Variants in DOCK3 observed in about 807,000 individuals in gnomAD.
DOCK3 encodes the protein dedicator of cytokinesis 3.
DOCK3 carries 60 observed loss-of-function variants against 265.6 expected under a neutral mutation model. That is an observed-to-expected ratio of 0.23 (90% CI 0.18 to 0.28). DOCK3 has a LOEUF of 0.28. Among genes scored for constraint, DOCK3 ranks in the 10% least tolerant of loss-of-function variants. DOCK3 has a pLI of 1.00. For synonymous variants in DOCK3, 881 were observed against 938.0 expected, an observed-to-expected ratio of 0.94 and a Z score of 1.11; for missense variants, 1,981 against 2,594.3, an observed-to-expected ratio of 0.76 and a Z score of 5.14.
intron 12 of DOCK3, among the ~76,000 whole-genome samples, chr3:51,196,065 T>C (rs1413677159): frequency 6.6e-6 from 1 of 151,636 alleles, no homozygotes; most frequent in Non-Finnish European, 1.5e-5. Context: ...CCTCCCATGT[T>C]GCTAAGACTT....
At chr3:51,242,841 C>T (rs1332254678) in intron 21 of DOCK3, among the ~76,000 whole-genome samples, 1 of 152,124 alleles carries the variant, frequency 6.6e-6, no homozygotes, top group Admixed American at 6.5e-5. Context: ...CCTGCCAGTA[C>T]AGACACAAGC....
intron 4 of DOCK3, among the ~76,000 whole-genome samples, chr3:50,900,505 AG>A (rs947707663): frequency 2.0e-5 from 3 of 152,034 alleles, no homozygotes; most frequent in Non-Finnish European, 4.4e-5. Flanking sequence ...TTCTCCATCC[AG>A]TTTTGTTCCC....
intron 3 of DOCK3, among the ~76,000 whole-genome samples, chr3:50,859,464 C>T (rs1169588302): frequency 6.6e-6 from 1 of 152,014 alleles, no homozygotes; most frequent in East Asian, 1.9e-4. Flanking sequence ...GATCCACCCC[C>T]CTCGGCCTCC....
intron 5 of DOCK3, among the ~76,000 whole-genome samples, chr3:50,995,346 A>G (rs1398762956): frequency 2.0e-5 from 3 of 152,220 alleles, no homozygotes; most frequent in African/African-American, 7.2e-5. Context: ...CCACTTACAA[A>G]GTCTATTTAA....
intron 12 of DOCK3, among the ~76,000 whole-genome samples, chr3:51,168,665 T>C (rs2086524088): frequency 6.6e-6 from 1 of 152,184 alleles, no homozygotes; most frequent in Non-Finnish European, 1.5e-5. Flanking sequence ...GCAATACCAT[T>C]CTAGACATAG....
intron 12 of DOCK3, among the ~76,000 whole-genome samples, chr3:51,197,440 G>A (rs922695110): frequency 6.6e-6 from 1 of 152,204 alleles, no homozygotes; most frequent in African/African-American, 2.4e-5. Flanking sequence ...AGTGATGTGC[G>A]TTGATGTTGG....
chr3:50,885,838 A>C (rs2048300722), intron 3 of DOCK3, among the ~76,000 whole-genome samples: 1 of 151,920 alleles, frequency 6.6e-6, no homozygotes, highest in Non-Finnish European at 1.5e-5. Context: ...AGTATCTCCA[A>C]TTGACCTTAC....
intron 30 of DOCK3, 102 bp from the exon 31 acceptor site, chr3:51,312,742 A>G (rs1038738408): frequency 2.2e-6 from 3 of 1,350,062 alleles, no homozygotes; most frequent in Admixed American, 4.3e-5. Context: ...ATTGGGAAGC[A>G]TTAGAAACAA....
At chr3:50,883,264 TA>T (rs113221264) in intron 3 of DOCK3, among the ~76,000 whole-genome samples, 41 of 146,158 alleles carry the variant, frequency 2.8e-4, no homozygotes, top group Admixed American at 3.4e-4. Context: ...CTTGAAGTAT[TA>T]AAAAAAAAAG....
At chr3:50,967,116 A>G (rs1052431927) in intron 5 of DOCK3, among the ~76,000 whole-genome samples, 1 of 152,124 alleles carries the variant, frequency 6.6e-6, no homozygotes, top group African/African-American at 2.4e-5. Flanking sequence ...TGGGCTGTTG[A>G]ACACTAGAAC....
intron 1 of DOCK3, among the ~76,000 whole-genome samples, chr3:50,727,694 CAAACA>C (rs1180088373): frequency 1.3e-5 from 2 of 151,656 alleles, no homozygotes; most frequent in South Asian, 2.1e-4. Context: ...TGAGGCTCCT[CAAACA>C]AAACAAAACA....
At chr3:51,200,878 T>C (rs1351701713) in intron 12 of DOCK3, among the ~76,000 whole-genome samples, 2 of 152,102 alleles carry the variant, frequency 1.3e-5, no homozygotes, top group African/African-American at 4.8e-5. Flanking sequence ...TTCAACATTC[T>C]TACCGAAAAG....
In DOCK3 at chr3:51,374,691, C is replaced by A; in HGVS notation, c.5412+104C>A. On this transcript the variant is annotated intron_variant, in intron 50 of 52. Coordinates refer to ENST00000266037, the MANE Select transcript of DOCK3 (RefSeq NM_004947.5). The surrounding 1 kb of genome is among the most constrained non-coding windows in gnomAD (Gnocchi z 4.8). ...TCTGCATTGTCCTACATGGCTCTCT[C>A]ATTCCGCTGTAAGATCCCGCAAAAG... 1 of 1,143,802 alleles carries A rather than the reference C, an allele frequency of 8.7e-7. No individual in the cohort carries two copies. Among genetic ancestry groups the A allele is most frequent in the Non-Finnish European group, 1.3e-6 (1 of 790,470 alleles). 70.9% of individuals were successfully genotyped at this position (1,143,802 alleles called of 1,614,324 possible).
At chr3:51,133,783 G>A (rs556483166) in intron 9 of DOCK3, among the ~76,000 whole-genome samples, 1 of 142,022 alleles carries the variant, frequency 7.0e-6, no homozygotes, top group African/African-American at 2.5e-5. Context: ...ACATAGAGTT[G>A]GGTCAGGCTG....
chr3:50,696,088 G>A (rs2035599151), intron 1 of DOCK3, among the ~76,000 whole-genome samples: 2 of 152,148 alleles, frequency 1.3e-5, no homozygotes, highest in South Asian at 4.1e-4. Flanking sequence ...ATATCTCTGT[G>A]TCTATGTGTT....
intron 2 of DOCK3, among the ~76,000 whole-genome samples, chr3:50,780,386 C>T (rs2041850555): frequency 6.6e-6 from 1 of 152,054 alleles, no homozygotes; most frequent in Non-Finnish European, 1.5e-5. Flanking sequence ...ATTTATTTGC[C>T]TCATGGTTCT....
At chr3:51,029,198 A>G (rs1307470640) in intron 5 of DOCK3, among the ~76,000 whole-genome samples, 1 of 152,074 alleles carries the variant, frequency 6.6e-6, no homozygotes, top group Non-Finnish European at 1.5e-5. Flanking sequence ...CCTTGGTTAC[A>G]GATAGGTTCA....
chr3:51,017,323 T>C (rs1251557051), intron 5 of DOCK3, among the ~76,000 whole-genome samples: 4 of 151,568 alleles, frequency 2.6e-5, no homozygotes, highest in Non-Finnish European at 5.9e-5. Context: ...AAAGTCAGCT[T>C]TTTGTTTCAT....
chr3:50,777,574 A>G (rs939822759), intron 1 of DOCK3, among the ~76,000 whole-genome samples: 5 of 152,038 alleles, frequency 3.3e-5, no homozygotes, highest in African/African-American at 9.7e-5. Flanking sequence ...TGTTTGTGTC[A>G]TCTGTGACTT....
Sources: allele counts gnomAD v4.1 joint callset (sites outside exome capture counted in the v4.1 genomes callset), GRCh38; gene constraint gnomAD v4.1.1; non-coding constraint Gnocchi (gnomAD v3.1); transcripts MANE v1.5; gene names NCBI Gene and HGNC (gene_info 2026-07-23, HGNC 2026-07-21).